Variants in MYCBP2 observed in about 807,000 individuals in gnomAD.
The protein encoded by MYCBP2 is MYC binding protein 2.
MYCBP2 carries 120 observed loss-of-function variants against 525.3 expected under a neutral mutation model. That is an observed-to-expected ratio of 0.23 (90% confidence interval 0.20 to 0.27). The LOEUF is 0.27. Ranked by LOEUF, MYCBP2 falls within the 10% of genes least tolerant of loss-of-function variation. The probability of loss-of-function intolerance (pLI) is 1.00; values close to 1 mark genes in which losing one functional copy is unlikely to be tolerated. For missense variants in MYCBP2, 4,149 were observed against 5,657.1 expected (o/e 0.73, Z 8.55); for synonymous variants, 1,894 against 1,955.8 (o/e 0.97, Z 0.83).
At chr13:77,319,229 A>G (rs1438847237) in intron 1 of MYCBP2, among the ~76,000 whole-genome samples, 1 of 152,038 alleles carries the variant, frequency 6.6e-6, no homozygotes, top group Non-Finnish European at 1.5e-5. Flanking sequence ...AGTAGGCGAG[A>G]GAGGAGGAGC....
intron 1 of MYCBP2, among the ~76,000 whole-genome samples, chr13:77,309,822 A>C (rs1040932027): frequency 2.0e-5 from 3 of 152,082 alleles, no homozygotes; most frequent in African/African-American, 7.2e-5. Flanking sequence ...TTGCTTAAAA[A>C]CCTATGATTG....
At chr13:77,155,266 T>G (rs1221162788) in intron 46 of MYCBP2, among the ~76,000 whole-genome samples, 1 of 152,126 alleles carries the variant, frequency 6.6e-6, no homozygotes, top group Non-Finnish European at 1.5e-5. Context: ...ATGCATGAAG[T>G]AGTTGAAATA....
chr13:77,270,999 T>C (rs1230251088), intron 5 of MYCBP2, among the ~76,000 whole-genome samples: 1 of 152,206 alleles, frequency 6.6e-6, no homozygotes, highest in Non-Finnish European at 1.5e-5. Flanking sequence ...TTTAAGTTTC[T>C]AATTGTAATT....
At chr13:77,063,085 G>A (rs2039593074) in intron 73 of MYCBP2, among the ~76,000 whole-genome samples, 1 of 152,116 alleles carries the variant, frequency 6.6e-6, no homozygotes, top group African/African-American at 2.4e-5. Flanking sequence ...AAAGAAGGTG[G>A]TACAGCAACT....
intron 68 of MYCBP2, among the ~76,000 whole-genome samples, chr13:77,071,951 G>C (rs1344457441): frequency 6.6e-6 from 1 of 151,968 alleles, no homozygotes; most frequent in Non-Finnish European, 1.5e-5. Context: ...CAAATATTTG[G>C]GAATTAAACA....
At chr13:77,126,808 T>C (rs2051753016) in intron 52 of MYCBP2, among the ~76,000 whole-genome samples, 1 of 152,106 alleles carries the variant, frequency 6.6e-6, no homozygotes, top group Admixed American at 6.6e-5. Flanking sequence ...ATTTGAGAAA[T>C]ATAATCATCC....
rs748034101 is a variant in MYCBP2, at chr13:77,180,286, G to A, written c.4974C>T (p.Phe1658=). Reference sequence around the variant, plus strand: ...CCAGCATTTTCTCCAGAACTTCACGGAAGCTTGTCATCCCTGAGATATTCT... The same window carrying A: ...CCAGCATTTTCTCCAGAACTTCACGAAAGCTTGTCATCCCTGAGATATTCT... The part of the protein sequence containing the change: ...SEENISGMTS[F]REVLEKMLVI... The change falls in exon 34 of 83, where the codon TTC becomes TTT. Residue 1658 remains phenylalanine (F), a synonymous_variant. Coordinates refer to ENST00000544440, the MANE Select transcript of MYCBP2 (RefSeq NM_015057.5). 4 of 1,614,122 alleles carry A rather than the reference G, an allele frequency of 2.5e-6. No individual in the cohort carries two copies. The highest frequency in any genetic ancestry group is 3.4e-6 in the Non-Finnish European group (4 of 1,179,986).
intron 67 of MYCBP2, 81 bp from the exon 68 acceptor site, chr13:77,076,930 G>A (rs1056125142): frequency 2.8e-5 from 33 of 1,198,778 alleles, no homozygotes; most frequent in African/African-American, 6.1e-5. Context: ...AGCTGATTCC[G>A]CAGGTTTTAT....
chr13:77,245,865 C>CAT (rs1365003672), intron 15 of MYCBP2, among the ~76,000 whole-genome samples: 1 of 121,452 alleles, frequency 8.2e-6, no homozygotes, highest in African/African-American at 2.8e-5. Flanking sequence ...CACACACACA[C>CAT]ATATATATAC....
At chr13:77,267,409 A>AAATT (rs1567102966) in intron 8 of MYCBP2, among the ~76,000 whole-genome samples, 23 of 147,248 alleles carry the variant, frequency 1.6e-4, no homozygotes, top group East Asian at 3.9e-4. Context: ...AAAATAAAAT[A>AAATT]AAATTAAATT....
chr13:77,299,834 A>C (rs1366669094), intron 1 of MYCBP2, among the ~76,000 whole-genome samples: 1 of 152,210 alleles, frequency 6.6e-6, no homozygotes, highest in East Asian at 1.9e-4. Context: ...ATTGTGGTTG[A>C]CAATAAAAGG....
At chr13:77,072,179 T>C (rs967094958) in intron 68 of MYCBP2, among the ~76,000 whole-genome samples, 6 of 151,104 alleles carry the variant, frequency 4.0e-5, no homozygotes, top group Admixed American at 3.3e-4. Flanking sequence ...TACTCCCAGC[T>C]ACTTGGGAGG....
rs151252830 is a variant in MYCBP2 at position 77,311,908 on chromosome 13, A to C, written c.302+14566T>G. ...CGATTTGAGAAGCTCAGTACTCTTC[A>C]AAGAGGATAAACTTAAAGAAAATGA... On this transcript the variant is annotated intron_variant, in intron 1 of 82. Coordinates refer to ENST00000544440, the MANE Select transcript of MYCBP2 (RefSeq NM_015057.5). 1.0e-3 allele frequency among the ~76,000 whole-genome samples: 156 copies of C among 152,258 alleles called. 1 individual carries two copies. Among genetic ancestry groups the C allele is most frequent in the Middle Eastern group, 3.4e-3 (1 of 294 alleles).
At chr13:77,282,012 A>G (rs549800950) in intron 3 of MYCBP2, among the ~76,000 whole-genome samples, 1 of 152,334 alleles carries the variant, frequency 6.6e-6, no homozygotes, top group Non-Finnish European at 1.5e-5. Context: ...TGGTACAGAG[A>G]TAATATCTAC....
At chr13:77,051,240 G>T in intron 81 of MYCBP2, 78 bp from the exon 82 acceptor site, 1 of 1,273,650 alleles carries the variant, frequency 7.9e-7, no homozygotes, top group Non-Finnish European at 1.1e-6. Context: ...CATATACATA[G>T]ACAGCTCCTT....
intron 3 of MYCBP2, among the ~76,000 whole-genome samples, chr13:77,280,037 G>A (rs1186688529): frequency 6.6e-6 from 1 of 152,144 alleles, no homozygotes; most frequent in Non-Finnish European, 1.5e-5. Flanking sequence ...CATATGGTAG[G>A]CACACATTAA....
chr13:77,096,213 A>G, intron 57 of MYCBP2, 99 bp downstream of exon 57: 1 of 1,193,806 alleles, frequency 8.4e-7, no homozygotes, highest in Admixed American at 2.4e-5. Flanking sequence ...TTTTAATATC[A>G]ACTATGTGGA....
At chr13:77,308,480 G>C (rs1211773260) in intron 1 of MYCBP2, among the ~76,000 whole-genome samples, 1 of 152,126 alleles carries the variant, frequency 6.6e-6, no homozygotes, top group African/African-American at 2.4e-5. Context: ...ATCTCTCTGT[G>C]CCTCAGTTCT....
chr13:77,314,440 G>T (rs180969524), intron 1 of MYCBP2, among the ~76,000 whole-genome samples: 74 of 152,266 alleles, frequency 4.9e-4, no homozygotes, highest in African/African-American at 1.7e-3. Flanking sequence ...TCAGTGGTAA[G>T]AAATGAGCTA....
Sources: allele counts gnomAD v4.1 joint callset (sites outside exome capture counted in the v4.1 genomes callset), GRCh38; gene constraint gnomAD v4.1.1; transcripts MANE v1.5; gene names NCBI Gene and HGNC (gene_info 2026-07-23, HGNC 2026-07-21).